The following FBXL17 variants were observed in gnomAD, a reference collection of about 807,000 sequenced individuals.
FBXL17 encodes F-box/LRR-repeat protein 17.
A neutral mutation model predicts 66.2 loss-of-function variants in FBXL17; 22 were observed. The ratio of observed to expected loss-of-function variants is 0.33; its 90% CI spans 0.24 to 0.47. FBXL17 has a LOEUF of 0.47. Ranked by LOEUF, FBXL17 falls within the 20% of genes least tolerant of loss-of-function variation. The probability of loss-of-function intolerance (pLI) is 1.00; values close to 1 mark genes in which losing one functional copy is unlikely to be tolerated. For synonymous variants in FBXL17, 474 were observed against 400.5 expected, an observed-to-expected ratio of 1.18 and a Z score of -2.19; for missense variants, 878 against 948.2, an observed-to-expected ratio of 0.93 and a Z score of 0.97.
intron 6 of FBXL17, among the ~76,000 whole-genome samples, chr5:108,157,934 T>C (rs930283961): frequency 2.0e-5 from 3 of 151,614 alleles, no homozygotes; most frequent in East Asian, 3.9e-4. Flanking sequence ...GCTTAAAAAA[T>C]AGAGAAGAAA....
chr5:108,236,519 A>T (rs1300297015), intron 4 of FBXL17, among the ~76,000 whole-genome samples: 1 of 152,052 alleles, frequency 6.6e-6, no homozygotes, highest in African/African-American at 2.4e-5. Context: ...TCTAAAAAAA[A>T]AAAACCAACA....
intron 4 of FBXL17, among the ~76,000 whole-genome samples, chr5:108,264,999 T>G (rs760076962): frequency 6.6e-6 from 1 of 151,988 alleles, no homozygotes; most frequent in African/African-American, 2.4e-5. Flanking sequence ...TTATCTGTGA[T>G]CCATCCTCTA....
At chr5:107,886,291 TAC>T (rs1269480581) in intron 7 of FBXL17, among the ~76,000 whole-genome samples, 1 of 152,184 alleles carries the variant, frequency 6.6e-6, no homozygotes, top group Non-Finnish European at 1.5e-5. Context: ...GGCACACACA[TAC>T]ACAGATACAT....
At chr5:107,936,184 A>G (rs146525623) in intron 7 of FBXL17, among the ~76,000 whole-genome samples, 48 of 152,276 alleles carry the variant, frequency 3.2e-4, no homozygotes, top group African/African-American at 7.7e-4. Flanking sequence ...TTCAATTGCA[A>G]TATGAGATGA....
chr5:107,962,082 C>A (rs1751934919), intron 7 of FBXL17, among the ~76,000 whole-genome samples: 1 of 151,948 alleles, frequency 6.6e-6, no homozygotes, highest in Admixed American at 6.6e-5. Context: ...AAAGGAAGAA[C>A]CATTTTAAGA....
chr5:108,027,979 A>G (rs1163018887), intron 6 of FBXL17, among the ~76,000 whole-genome samples: 1 of 152,146 alleles, frequency 6.6e-6, no homozygotes, highest in Non-Finnish European at 1.5e-5. Context: ...AAATTTTGAT[A>G]TAGTTAAGAC....
chr5:107,867,666 C>T (rs935945010), intron 8 of FBXL17, among the ~76,000 whole-genome samples: 3 of 152,232 alleles, frequency 2.0e-5, no homozygotes, highest in Non-Finnish European at 2.9e-5. Flanking sequence ...TGACTCAAAG[C>T]AATGCCATTC....
intron 4 of FBXL17, among the ~76,000 whole-genome samples, chr5:108,311,910 C>G (rs1159713433): frequency 1.3e-5 from 2 of 152,114 alleles, no homozygotes; most frequent in Non-Finnish European, 2.9e-5. Flanking sequence ...AAGAAGAGTT[C>G]TAGTTAGTCC....
chr5:108,126,651 C>CTCTCTCTCTCTCTCTCTCTCTATA (rs1554067324), intron 6 of FBXL17, among the ~76,000 whole-genome samples: 1 of 108,036 alleles, frequency 9.3e-6, no homozygotes, highest in Non-Finnish European at 2.0e-5. Context: ...CTCTCTCTCT[C>CTCTCTCTCTCTCTCTCTCTCTATA]TATATATATA....
intron 6 of FBXL17, among the ~76,000 whole-genome samples, chr5:108,128,781 C>A (rs957098038): frequency 6.6e-5 from 10 of 152,032 alleles, no homozygotes; most frequent in African/African-American, 1.9e-4. Flanking sequence ...TGGGAAACAC[C>A]AGGGAGTAGA....
chr5:108,163,974 C>T (rs1275259060), intron 6 of FBXL17, among the ~76,000 whole-genome samples: 3 of 152,144 alleles, frequency 2.0e-5, no homozygotes, highest in African/African-American at 7.2e-5. Flanking sequence ...CAGATTTTAT[C>T]TCCTGATATT....
chr5:108,157,466 G>T (rs551495273), intron 6 of FBXL17, among the ~76,000 whole-genome samples: 1 of 151,284 alleles, frequency 6.6e-6, no homozygotes, highest in African/African-American at 2.4e-5. Flanking sequence ...GAAAATATAG[G>T]AAAACTCACA....
chr5:108,298,793 T>A, intron 4 of FBXL17: 1 of 796,648 alleles, frequency 1.3e-6, no homozygotes, highest in Non-Finnish European at 1.5e-6. Context: ...AAAACCTAAT[T>A]TAGTGTATAC....
At chr5:108,259,561 G>C (rs185850570) in intron 4 of FBXL17, among the ~76,000 whole-genome samples, 1 of 152,238 alleles carries the variant, frequency 6.6e-6, no homozygotes, top group African/African-American at 2.4e-5. Flanking sequence ...GCCTCAGTTA[G>C]AAATGAATAT....
intron 6 of FBXL17, among the ~76,000 whole-genome samples, chr5:108,098,642 G>C (rs1749479681): frequency 6.6e-6 from 1 of 151,658 alleles, no homozygotes; most frequent in African/African-American, 2.4e-5. Context: ...CTACTCGGGA[G>C]GCTGAGGCAG....
rs186719244 is a variant in FBXL17, at chr5:108,209,929, C to G, written c.1614+14192G>C. On this transcript the variant is annotated intron_variant, in intron 5 of 8. Transcript: ENST00000542267. ...CTTCTGGTAGAATGCTGCTGTGAAT[C>G]CGTCTGGTCCCAGACTTTTTTTTGG... 5.9e-5 allele frequency among the ~76,000 whole-genome samples: 9 copies of G among 152,284 alleles called. No homozygotes were observed. The East Asian group carries it at 1.4e-3, about 23-fold the overall frequency.
intron 7 of FBXL17, among the ~76,000 whole-genome samples, chr5:107,990,009 G>A (rs1034447443): frequency 1.3e-5 from 2 of 152,124 alleles, no homozygotes; most frequent in South Asian, 2.1e-4. Context: ...CTCAAAGGAG[G>A]AGGAGTGCAG....
At chr5:107,960,492 C>A (rs1751857359) in intron 7 of FBXL17, among the ~76,000 whole-genome samples, 1 of 152,134 alleles carries the variant, frequency 6.6e-6, no homozygotes, top group African/African-American at 2.4e-5. Context: ...ACCAGCCTAC[C>A]CTCTGCTTCC....
At chr5:108,252,667 T>C (rs1038940236) in intron 4 of FBXL17, among the ~76,000 whole-genome samples, 8 of 152,060 alleles carry the variant, frequency 5.3e-5, no homozygotes, top group South Asian at 2.1e-4. Flanking sequence ...CTACTACACA[T>C]AGAAAGATAC....
Sources: gnomAD v4.1 joint callset for allele counts (sites outside exome capture counted in the v4.1 genomes callset) on GRCh38, gnomAD v4.1.1 for gene constraint, MANE v1.5 for transcripts, NCBI Gene and HGNC (gene_info 2026-07-23, HGNC 2026-07-21) for gene names.